Variants in ABCG2 observed in about 807,000 individuals in gnomAD.
ABCG2 encodes the protein ATP binding cassette subfamily G member 2 (JR blood group).
ABCG2 carries 80 observed loss-of-function variants against 73.5 expected under a neutral mutation model. The observed-to-expected ratio is 1.09, with a 90% confidence interval of 0.91 to 1.31. The LOEUF is 1.31. Among genes scored for constraint, ABCG2 ranks in the 50% most tolerant of loss-of-function variants. The probability of loss-of-function intolerance (pLI) is 0.00; values close to 1 mark genes in which losing one functional copy is unlikely to be tolerated. For synonymous variants in ABCG2, 269 were observed against 282.4 expected (o/e 0.95, Z 0.48); for missense variants, 796 against 786.2 (o/e 1.01, Z -0.15).
intron 1 of ABCG2, among the ~76,000 whole-genome samples, chr4:88,196,487 G>A (rs569656494): frequency 2.0e-4 from 31 of 152,168 alleles, no homozygotes; most frequent in Non-Finnish European, 4.0e-4. Flanking sequence ...GTTATGAGTG[G>A]AGACAGCTTC....
intron 1 of ABCG2, among the ~76,000 whole-genome samples, chr4:88,173,214 C>G (rs1727827519): frequency 6.6e-6 from 1 of 152,072 alleles, no homozygotes; most frequent in South Asian, 2.1e-4. Flanking sequence ...ATGACAAACC[C>G]CTATGTATCA....
intron 1 of ABCG2, 128 bp downstream of exon 1, chr4:88,158,258 T>A (rs764223148): frequency 3.7e-5 from 12 of 321,040 alleles, no homozygotes; most frequent in Admixed American, 1.3e-4. Flanking sequence ...CAAATGAAAC[T>A]GCGAAAGGCT....
intron 9 of ABCG2, among the ~76,000 whole-genome samples, chr4:88,107,861 G>T (rs565030015): frequency 8.5e-5 from 13 of 152,316 alleles, no homozygotes; most frequent in African/African-American, 2.9e-4. Context: ...AACCTCTAGG[G>T]AGTCCATGCC....
chr4:88,225,285 G>C (rs927395204), intron 1 of ABCG2, among the ~76,000 whole-genome samples: 3 of 152,168 alleles, frequency 2.0e-5, no homozygotes, highest in Admixed American at 6.5e-5. Flanking sequence ...ATAAACAAGA[G>C]GGTATGGCTG....
chr4:88,156,096 C>G (rs1000636945), intron 1 of ABCG2, among the ~76,000 whole-genome samples: 1 of 151,596 alleles, frequency 6.6e-6, no homozygotes, highest in East Asian at 1.9e-4. Context: ...AAAAAGAGTC[C>G]GGGCATGATA....
At chr4:88,151,329 A>G (rs949546409) in intron 1 of ABCG2, among the ~76,000 whole-genome samples, 1 of 152,214 alleles carries the variant, frequency 6.6e-6, no homozygotes, top group Admixed American at 6.5e-5. Context: ...ACCACACAGC[A>G]TTGTGCCTAC....
At chr4:88,166,004 C>A (rs1254790294) in intron 1 of ABCG2, among the ~76,000 whole-genome samples, 2 of 152,176 alleles carry the variant, frequency 1.3e-5, no homozygotes, top group Non-Finnish European at 2.9e-5. Flanking sequence ...CTTTGAGAGG[C>A]CATTTTTCTG....
At chr4:88,130,935 T>C (rs1052841425) in intron 5 of ABCG2, 126 bp downstream of exon 5, 80 of 1,093,610 alleles carry the variant, frequency 7.3e-5, no homozygotes, top group Admixed American at 1.2e-4. Flanking sequence ...ACTTTTCTCA[T>C]TGTTATGGAA....
At chr4:88,099,055 C>G (rs1406787505) in intron 12 of ABCG2, among the ~76,000 whole-genome samples, 2 of 152,170 alleles carry the variant, frequency 1.3e-5, no homozygotes, top group East Asian at 3.9e-4. Flanking sequence ...ATGATCACCA[C>G]TGCACTCCAG....
intron 1 of ABCG2, among the ~76,000 whole-genome samples, chr4:88,187,577 C>T (rs1007847672): frequency 2.6e-5 from 4 of 152,116 alleles, no homozygotes; most frequent in African/African-American, 7.2e-5. Context: ...CATGCCATTG[C>T]ACTCCAGCCT....
intron 9 of ABCG2, among the ~76,000 whole-genome samples, chr4:88,107,951 C>T (rs973745202): frequency 6.6e-6 from 1 of 152,164 alleles, no homozygotes; most frequent in Admixed American, 6.5e-5. Flanking sequence ...GCTTCCACTA[C>T]CCATCTCCTG....
At chr4:88,206,185 G>A (rs911209435) in intron 1 of ABCG2, among the ~76,000 whole-genome samples, 15 of 152,102 alleles carry the variant, frequency 9.9e-5, no homozygotes, top group Non-Finnish European at 1.8e-4. Context: ...CTGGCCAGGC[G>A]CGGTGTCCTG....
intron 1 of ABCG2, among the ~76,000 whole-genome samples, chr4:88,190,584 G>A (rs1435249633): frequency 6.6e-6 from 1 of 152,166 alleles, no homozygotes; most frequent in Non-Finnish European, 1.5e-5. Context: ...ATTTCAAACT[G>A]TGTTCTGATA....
At chr4:88,139,229 A>T (rs1402789954) in intron 2 of ABCG2, among the ~76,000 whole-genome samples, 1 of 152,094 alleles carries the variant, frequency 6.6e-6, no homozygotes, top group African/African-American at 2.4e-5. Flanking sequence ...AGATAAAATA[A>T]GCAAAATAAA....
chr4:88,161,225 G>C, upstream of ABCG2, among the ~76,000 whole-genome samples: 1 of 134,292 alleles, frequency 7.4e-6, no homozygotes, highest in Non-Finnish European at 1.6e-5. Flanking sequence ...CATTGTGCAG[G>C]TTAGTTACAT....
chr4:88,218,833 A>G (rs1729906366), intron 1 of ABCG2, among the ~76,000 whole-genome samples: 1 of 152,198 alleles, frequency 6.6e-6, no homozygotes. Context: ...CTTTACCTAC[A>G]TCATTGGTTG....
intron 1 of ABCG2, among the ~76,000 whole-genome samples, chr4:88,218,542 A>G (rs1729895386): frequency 6.6e-6 from 1 of 152,194 alleles, no homozygotes; most frequent in Non-Finnish European, 1.5e-5. Flanking sequence ...TGGTGTACCC[A>G]TCACCGAAGC....
intron 9 of ABCG2, among the ~76,000 whole-genome samples, 154 bp from the exon 10 acceptor site, chr4:88,107,420 A>G (rs1240976865): frequency 6.6e-6 from 1 of 152,210 alleles, no homozygotes; most frequent in Non-Finnish European, 1.5e-5. Flanking sequence ...CTGGGAGAAA[A>G]TAAAACAGCA....
chr4:88,213,982 CTTTTTTTTT>C (rs33984842), intron 1 of ABCG2, among the ~76,000 whole-genome samples: 3 of 59,622 alleles, frequency 5.0e-5, no homozygotes, highest in African/African-American at 2.0e-4. Context: ...CACGCCCGGC[CTTTTTTTTT>C]TTTTTTTTTT....
Sources: allele counts gnomAD v4.1 joint callset (sites outside exome capture counted in the v4.1 genomes callset), GRCh38; gene constraint gnomAD v4.1.1; transcripts MANE v1.5; gene names NCBI Gene and HGNC (gene_info 2026-07-23, HGNC 2026-07-21).